Variants in TRPV1 observed in about 807,000 individuals in gnomAD.
TRPV1 encodes OTRPC1.
In TRPV1, 82 loss-of-function variants were observed where a neutral mutation model predicts 82.3. The ratio of observed to expected loss-of-function variants is 1.00; its 90% CI spans 0.83 to 1.20. TRPV1 has a LOEUF of 1.20. Among genes scored for constraint, TRPV1 ranks in the 50% most tolerant of loss-of-function variants. The probability of loss-of-function intolerance (pLI) is 0.00; values close to 1 mark genes in which losing one functional copy is unlikely to be tolerated. For missense variants in TRPV1, 1,067 were observed against 1,096.8 expected, an observed-to-expected ratio of 0.97 and a Z score of 0.38; for synonymous variants, 515 against 467.7, an observed-to-expected ratio of 1.10 and a Z score of -1.30.
intron 11 of TRPV1, among the ~76,000 whole-genome samples, chr17:3,579,390 G>A (rs2074975883): frequency 6.6e-6 from 1 of 152,140 alleles, no homozygotes; most frequent in Non-Finnish European, 1.5e-5. Context: ...CCAGGAGACA[G>A]GTCCTGGAAG....
At chr17:3,602,859 C>T (rs1260883644) in intron 2 of TRPV1, among the ~76,000 whole-genome samples, 4 of 152,350 alleles carry the variant, frequency 2.6e-5, no homozygotes, top group South Asian at 2.1e-4. Context: ...CAGTGGCTCA[C>T]GCCCGTAATC....
chr17:3,577,274 G>A lies in TRPV1; in HGVS notation c.1714-82C>T, dbSNP rs878903061. 49 of 1,443,228 alleles carry A rather than the reference G, an allele frequency of 3.4e-5. No individual in the cohort carries two copies. In the South Asian group the frequency reaches 3.8e-4, roughly 11 times the overall value. 89.4% of individuals were successfully genotyped at this position (1,443,228 alleles called of 1,614,324 possible). ...AAGGGCCGGGCCGCATCGGCCTGGG[G>A]ATGCGTCTTGAGAACGTGCAGGGCG... On this transcript the variant is annotated intron_variant, in intron 12 of 16. Transcript: ENST00000572705.
In TRPV1 at chr17:3,590,993, T is replaced by C. The variant is rs1369544535; in HGVS notation, c.575A>G (p.Asn192Ser). ...RQTDSLKELV[N>S]ASYTDSYYKG... Reference sequence around the variant, plus strand: ...GTAGTAGCTGTCCGTGTAGCTGGCGTTGACAAGCTCCTTCAGGCTGTCCGT... The same window carrying C: ...GTAGTAGCTGTCCGTGTAGCTGGCGCTGACAAGCTCCTTCAGGCTGTCCGT... The change falls in exon 5 of 17, where the codon AAC (asparagine) becomes AGC (serine). Residue 192 changes from asparagine (N) to serine (S), a missense_variant. By Grantham distance (46) the Asn-to-Ser change is conservative (BLOSUM62 1). Transcript: ENST00000572705. 2 of 1,609,718 alleles carry C rather than the reference T, an allele frequency of 1.2e-6. No homozygotes were observed. The highest frequency in any genetic ancestry group is 1.7e-6 in the Non-Finnish European group (2 of 1,178,498).
In TRPV1 at chr17:3,571,552, G is replaced by A; in HGVS notation, c.2319C>T (p.Thr773=). ...TGCTTGACCGCAGGGAGAAGCTCAG[G>A]GTGCGCTTGACGCCCTCACAGTTGC... ...DPGNCEGVKR[T]LSFSLRSSRV... Residue 773 remains threonine (T), a synonymous_variant, in exon 16 of 17, where the codon ACC becomes ACT. Coordinates refer to ENST00000572705, the MANE Select transcript of TRPV1 (RefSeq NM_080704.4). 1.2e-6 allele frequency: 2 copies of A among 1,609,942 alleles called. No homozygotes were observed. The highest frequency in any genetic ancestry group is 2.2e-5 in the South Asian group (2 of 89,944).
Position 3,580,505 on chromosome 17 carries a change from C to T in TRPV1, c.1499G>A (p.Arg500Gln), listed in dbSNP as rs200374215. The T allele has an allele frequency of 1.9e-5, 30 of 1,613,992 alleles. No individual in the cohort carries two copies. In the African/African-American group the frequency reaches 2.1e-4, roughly 11 times the overall value. Residue 500 changes from arginine to glutamine, a missense_variant, in exon 11 of 17, where the codon CGG becomes CAG. Arg to Gln is a conservative substitution (Grantham distance 43, BLOSUM62 1). Transcript: ENST00000572705. Reference sequence around the variant, plus strand: ...CACAAACAGGGTCTTCATCGACGGCCGCCTCTGCAGGAAATACTGAATCTG... The same window carrying T: ...CACAAACAGGGTCTTCATCGACGGCTGCCTCTGCAGGAAATACTGAATCTG... ...FRGIQYFLQR[R>Q]PSMKTLFVDS...
Position 3,565,446 on chromosome 17 carries a change from T to C in TRPV1, c.*1369A>G, listed in dbSNP as rs191503387. 2.0e-5 allele frequency: 3 copies of C among 152,248 alleles called. No homozygotes were observed. Among genetic ancestry groups the C allele is most frequent in the Non-Finnish European group, 4.4e-5 (3 of 68,084 alleles). The allele number at this position is 152,248 out of a possible 1,614,324, so 9.4% of individuals were successfully genotyped here. A position where few individuals can be genotyped will look rare whatever the true frequency, so the allele number is the denominator to read the frequency against. ...CACAAACTTTACACTTGACACGATA[T>C]ATATGTATACATATCTGTTTATTTG... On this transcript the variant is annotated 3_prime_UTR_variant, in exon 17 of 17. Transcript: ENST00000572705.
chr17:3,588,813 T>TAAAAAAAAAAAAAAAAAA (rs3837859), intron 7 of TRPV1: 1 of 839,818 alleles, frequency 1.2e-6, no homozygotes, highest in Non-Finnish European at 1.7e-6. Flanking sequence ...AAACCTCATC[T>TAAAAAAAAAAAAAAAAAA]AAAAAAAAAA....
intron 16 of TRPV1, among the ~76,000 whole-genome samples, chr17:3,568,821 C>T (rs957824218): frequency 2.0e-5 from 3 of 152,258 alleles, no homozygotes; most frequent in African/African-American, 7.2e-5. Context: ...GTGCGCAGAT[C>T]ACCTGAGATC....
At position 3,590,080 on chromosome 17, in the gene TRPV1, C is replaced by T. The variant is rs746582795; in HGVS notation, c.771G>A (p.Ala257=). The change falls in exon 7 of 17, where the codon GCG becomes GCA. Residue 257 remains alanine, a synonymous_variant. Transcript: ENST00000572705. ...YFGELPLSLA[A]CTNQLGIVKF... is the part of the protein sequence containing the mutation. The stretch of plus-strand genomic sequence containing the variant: ...TCACGATGCCCAGCTGGTTGGTGCA[C>T]GCGGCCAGGGACAGGGGCAGTTCAC... The T allele has an allele frequency of 8.1e-6, 13 of 1,605,978 alleles. No individual in the cohort carries two copies. The highest frequency in any genetic ancestry group is 6.7e-5 in the East Asian group (3 of 44,576).
chr17:3,580,616 A>G (rs528194724), intron 10 of TRPV1, 89 bp from the exon 11 acceptor site: 2 of 1,376,742 alleles, frequency 1.5e-6, no homozygotes, highest in African/African-American at 2.8e-5. Context: ...TGGCACCATG[A>G]TGGGGTGGTC....
Position 3,577,739 on chromosome 17 carries a change from C to T in TRPV1, c.1572G>A (p.Leu524=), listed in dbSNP as rs199691302. The T allele has an allele frequency of 6.3e-7, 1 of 1,593,498 alleles. No homozygotes were observed. The highest frequency in any genetic ancestry group is 1.1e-5 in the South Asian group (1 of 87,504). Residue 524 remains leucine (L), a synonymous_variant, in exon 12 of 17, where the codon CTG becomes CTA. Coordinates refer to ENST00000572705, the MANE Select transcript of TRPV1 (RefSeq NM_080704.4). The part of the protein sequence containing the change: ...MLFFLQSLFM[L]ATVVLYFSHL... Reference sequence around the variant, plus strand: ...GGCTGAAGTACAGCACCACGGTGGCCAGCATGAACAGTGACTGCAGAAAGC... The same window carrying T: ...GGCTGAAGTACAGCACCACGGTGGCTAGCATGAACAGTGACTGCAGAAAGC...
chr17:3,583,502 G>A, intron 9 of TRPV1, 72 bp from the exon 10 acceptor site: 4 of 1,253,766 alleles, frequency 3.2e-6, no homozygotes, highest in Non-Finnish European at 4.6e-6. Context: ...CCAGGTCCAT[G>A]AAGCCATAGT....
At position 3,586,040 on chromosome 17, in the gene TRPV1, G is replaced by C. The variant is rs548570420; in HGVS notation, c.1225-114C>G. The C allele has an allele frequency of 8.0e-6, 11 of 1,372,782 alleles. No homozygotes were observed. In the Admixed American group the frequency reaches 8.4e-5, roughly 10 times the overall value. 85.0% of individuals were successfully genotyped at this position (1,372,782 alleles called of 1,614,324 possible). ...GTGGCCCGCACAGTCCTCAGCCCAC[G>C]GAGCAGGTGAGATGGGAGGTCTGAG... On this transcript the variant is annotated intron_variant, in intron 8 of 16. Transcript: ENST00000572705.
chr17:3,592,190 T>C lies in TRPV1; in HGVS notation c.161A>G (p.Asp54Gly). 1 of 1,613,124 alleles carries C rather than the reference T, an allele frequency of 6.2e-7. No homozygotes were observed. Among genetic ancestry groups the C allele is most frequent in the Non-Finnish European group, 8.5e-7 (1 of 1,179,604 alleles). ...KSRTRLFGKG[D>G]SEEAFPVDCP... Reference sequence around the variant, plus strand: ...ATCCACCGGGAAAGCCTCCTCCGAGTCACCCTTCCCAAAGAGCCGGGTGCG... The same window carrying C: ...ATCCACCGGGAAAGCCTCCTCCGAGCCACCCTTCCCAAAGAGCCGGGTGCG... Residue 54 changes from aspartate to glycine, a missense_variant, in exon 3 of 17, where the codon GAC becomes GGC. By Grantham distance (94) the Asp-to-Gly change is moderately conservative. Transcript: ENST00000572705.
At position 3,566,659 on chromosome 17, in the gene TRPV1, G is replaced by T. The variant is rs2074766440; in HGVS notation, c.*156C>A. On this transcript the variant is annotated 3_prime_UTR_variant, in exon 17 of 17. Transcript: ENST00000572705. ...CATCACTCCCCATGCTTCCAAGAACGCTTCCCACAGCTTGTCCAGCACAGA... is the reference window on the plus strand; with the variant it reads ...CATCACTCCCCATGCTTCCAAGAACTCTTCCCACAGCTTGTCCAGCACAGA... 1 of 846,586 alleles carries T rather than the reference G, an allele frequency of 1.2e-6. No homozygotes were observed. 52.4% of individuals were successfully genotyped at this position (846,586 alleles called of 1,614,324 possible).
rs955312013 is a variant in TRPV1, at chr17:3,565,654, T to G, written c.*1161A>C. On this transcript the variant is annotated 3_prime_UTR_variant, in exon 17 of 17. Coordinates refer to ENST00000572705, the MANE Select transcript of TRPV1 (RefSeq NM_080704.4). ...GACTGTGATTGATCGTAAGGAAGGA[T>G]GAAGAAGGCACTGCTGCAACAGCTT... 2.0e-5 allele frequency: 3 copies of G among 152,218 alleles called. No individual in the cohort carries two copies. The highest frequency in any genetic ancestry group is 2.0e-4 in the Admixed American group (3 of 15,260). The allele number at this position is 152,218 out of a possible 1,614,324, so 9.4% of individuals were successfully genotyped here.
At chr17:3,588,505 C>T (rs2075112211) in intron 7 of TRPV1, 138 bp from the exon 8 acceptor site, 1 of 960,580 alleles carries the variant, frequency 1.0e-6, no homozygotes, top group Admixed American at 2.7e-5. Context: ...CACTCCTGAC[C>T]ACCACTGAGA....
chr17:3,597,696 CAG>C (rs906200909), intron 2 of TRPV1, among the ~76,000 whole-genome samples: 4 of 119,352 alleles, frequency 3.4e-5, no homozygotes, highest in Non-Finnish European at 4.9e-5. Flanking sequence ...TTTTTTGAGA[CAG>C]AGTCTTACTC....
chr17:3,571,761 G>T, intron 15 of TRPV1, 122 bp from the exon 16 acceptor site: 1 of 737,392 alleles, frequency 1.4e-6, no homozygotes, highest in Non-Finnish European at 2.3e-6. Flanking sequence ...GGGTCGGGGA[G>T]GGCAGAGAGG....
Sources: gnomAD v4.1 joint callset for allele counts (sites outside exome capture counted in the v4.1 genomes callset) on GRCh38, gnomAD v4.1.1 for gene constraint, MANE v1.5 for transcripts, NCBI Gene and HGNC (gene_info 2026-07-23, HGNC 2026-07-21) for gene names.